FBN2: variants seen among roughly 807,000 people sequenced by gnomAD.
FBN2 encodes fibrillin 2, also known as fibrillin-2.
A neutral mutation model predicts 355.6 loss-of-function variants in FBN2; 105 were observed. The ratio of observed to expected loss-of-function variants is 0.30; its 90% CI spans 0.25 to 0.35. The LOEUF is 0.35. Ranked by LOEUF, FBN2 falls within the 10% of genes least tolerant of loss-of-function variation. The probability of loss-of-function intolerance (pLI) is 1.00; values close to 1 mark genes in which losing one functional copy is unlikely to be tolerated. For synonymous variants in FBN2, 1,350 were observed against 1,301.2 expected, an observed-to-expected ratio of 1.04 and a Z score of -0.81; for missense variants, 3,280 against 3,758.7, an observed-to-expected ratio of 0.87 and a Z score of 3.33.
intron 5 of FBN2, among the ~76,000 whole-genome samples, chr5:128,477,976 C>T (rs1755050140): frequency 1.3e-5 from 2 of 152,198 alleles, no homozygotes; most frequent in South Asian, 4.1e-4. Context: ...TTTGATATAA[C>T]CTCTAAATAG....
chr5:128,341,128 C>T (rs1398562360), intron 25 of FBN2, among the ~76,000 whole-genome samples: 4 of 152,178 alleles, frequency 2.6e-5, no homozygotes, highest in African/African-American at 9.7e-5. Context: ...TGAGAGCCAA[C>T]AATTTTCCAC....
intron 22 of FBN2, among the ~76,000 whole-genome samples, 182 bp downstream of exon 22, chr5:128,349,773 G>T (rs944176624): frequency 1.3e-5 from 2 of 152,260 alleles, no homozygotes; most frequent in South Asian, 4.1e-4. Flanking sequence ...GAGGAGAAAC[G>T]GGAAACTCTA....
At chr5:128,404,679 C>T (rs1752881839) in intron 8 of FBN2, among the ~76,000 whole-genome samples, 1 of 152,180 alleles carries the variant, frequency 6.6e-6, no homozygotes, top group East Asian at 1.9e-4. Flanking sequence ...TTACATAAAG[C>T]CCAGGGTCCA....
chr5:128,305,522 C>T lies in FBN2; in HGVS notation c.5663G>A (p.Gly1888Glu), dbSNP rs780852016. The T allele has an allele frequency of 1.2e-6, 2 of 1,614,002 alleles. No homozygotes were observed. The highest frequency in any genetic ancestry group is 1.7e-6 in the Non-Finnish European group (2 of 1,179,948). The change falls in exon 44 of 65, where the codon GGG (glycine) becomes GAG (glutamate). Residue 1888 changes from glycine (G) to glutamate (E), a missense_variant. By Grantham distance (98) the Gly-to-Glu change is moderately conservative (BLOSUM62 -2). This residue lies in a region of FBN2 where 2,284 missense variants were observed against 2,749.5 expected (regional missense o/e 0.83). Transcript: ENST00000262464. Reference protein sequence around the residue: ...CAAGFKLSPNGACVDRNECLE... With the variant: ...CAAGFKLSPNEACVDRNECLE... ...AGCCTCTTTCTTACCTACACAGGCC[C>T]CATTGGGTGAAAGTTTGAAACCCGC...
intron 5 of FBN2, among the ~76,000 whole-genome samples, chr5:128,480,978 C>A (rs572716672): frequency 3.9e-5 from 6 of 152,236 alleles, no homozygotes; most frequent in Admixed American, 3.9e-4. Flanking sequence ...CTGCAAGAAA[C>A]CACTTAAATG....
chr5:128,324,619 CTTTT>C (rs1166002656), intron 34 of FBN2, among the ~76,000 whole-genome samples: 1 of 137,714 alleles, frequency 7.3e-6, no homozygotes. Context: ...TTTTCTTTTT[CTTTT>C]TTTTTTTTTT....
chr5:128,446,456 T>C (rs202103734), intron 7 of FBN2, 25 bp downstream of exon 7: 3 of 1,612,564 alleles, frequency 1.9e-6, no homozygotes, highest in Non-Finnish European at 2.5e-6. Context: ...CAATTAGGCA[T>C]GCTTCCCAAA....
chr5:128,317,537 C>T (rs1750239302), intron 36 of FBN2, among the ~76,000 whole-genome samples: 1 of 152,156 alleles, frequency 6.6e-6, no homozygotes, highest in African/African-American at 2.4e-5. Flanking sequence ...ATTCTCCACC[C>T]CTCCCTTTTT....
intron 19 of FBN2, among the ~76,000 whole-genome samples, chr5:128,358,083 A>G (rs376424528): frequency 1.3e-5 from 2 of 152,312 alleles, no homozygotes; most frequent in South Asian, 4.1e-4. Context: ...ACCATAATCT[A>G]AACAATTCCT....
At chr5:128,482,656 T>C (rs548499755) in intron 5 of FBN2, among the ~76,000 whole-genome samples, 3 of 152,314 alleles carry the variant, frequency 2.0e-5, no homozygotes, top group African/African-American at 7.2e-5. Context: ...GATATATTAA[T>C]ATCAATTTAG....
In FBN2 at chr5:128,473,625, T is replaced by C. The variant is rs572886109; in HGVS notation, c.629-8704A>G. Among the ~76,000 whole-genome samples the C allele has an allele frequency of 2.0e-5, 3 of 152,306 alleles. No homozygotes were observed. The East Asian group carries it at 5.8e-4, about 29-fold the overall frequency. ...CCCAACACATGGGTTTTCTACATTCTCAGCTTTTGGTAACTTTGCCTTCAC... is the reference window on the plus strand; with the variant it reads ...CCCAACACATGGGTTTTCTACATTCCCAGCTTTTGGTAACTTTGCCTTCAC... On this transcript the variant is annotated intron_variant, in intron 5 of 64. Transcript: ENST00000262464.
chr5:128,528,075 T>C (rs1287387337), intron 3 of FBN2, 108 bp from the exon 4 acceptor site: 15 of 753,084 alleles, frequency 2.0e-5, no homozygotes, highest in Non-Finnish European at 3.6e-5. Flanking sequence ...ATGACAATTA[T>C]ATCTTACAGA....
chr5:128,502,043 TAAA>T (rs1357660288), intron 5 of FBN2, among the ~76,000 whole-genome samples: 2 of 151,818 alleles, frequency 1.3e-5, no homozygotes, highest in Non-Finnish European at 2.9e-5. Flanking sequence ...GATTATAAAG[TAAA>T]AACCCTTTGG....
chr5:128,381,342 G>C (rs184415420), intron 11 of FBN2, among the ~76,000 whole-genome samples: 1 of 152,062 alleles, frequency 6.6e-6, no homozygotes, highest in Non-Finnish European at 1.5e-5. Flanking sequence ...CTTTGTCACT[G>C]ATCCTTTAAT....
Position 128,259,396 on chromosome 5 carries a change from A to C in FBN2, c.*59T>G. The stretch of plus-strand genomic sequence containing the variant: ...CTTTAAAATTAGTCCTTGACTTTTC[A>C]AATGCTTCTGCAGACTGGCTGTGCT... On this transcript the variant is annotated 3_prime_UTR_variant, in exon 65 of 65. Transcript: ENST00000262464. The C allele has an allele frequency of 6.3e-7, 1 of 1,599,874 alleles. No individual in the cohort carries two copies. The highest frequency in any genetic ancestry group is 1.3e-5 in the African/African-American group (1 of 74,678).
intron 34 of FBN2, among the ~76,000 whole-genome samples, chr5:128,327,530 T>C (rs1750584803): frequency 6.6e-6 from 1 of 152,100 alleles, no homozygotes; most frequent in African/African-American, 2.4e-5. Context: ...GGGGGAAGTT[T>C]TTAATATGTT....
At chr5:128,309,166 G>T in intron 41 of FBN2, 81 bp downstream of exon 41, 1 of 1,447,380 alleles carries the variant, frequency 6.9e-7, no homozygotes, top group Non-Finnish European at 9.7e-7. Flanking sequence ...GTTTTAGCAT[G>T]CAGTGACTTT....
At chr5:128,289,104 T>C (rs1218658050) in intron 52 of FBN2, 23 bp downstream of exon 52, 3 of 1,613,310 alleles carry the variant, frequency 1.9e-6, no homozygotes, top group Non-Finnish European at 2.5e-6. Flanking sequence ...TTTAAAATTC[T>C]GTAATGTGGA....
chr5:128,345,608 G>C, intron 23 of FBN2, 24 bp from the exon 24 acceptor site: 2 of 1,588,518 alleles, frequency 1.3e-6, no homozygotes, highest in Non-Finnish European at 1.7e-6. Context: ...GAAATCACAG[G>C]GTGAGAATGA....
Sources: allele counts gnomAD v4.1 joint callset (sites outside exome capture counted in the v4.1 genomes callset), GRCh38; gene constraint gnomAD v4.1.1; regional missense constraint gnomAD v4.1.1; transcripts MANE v1.5; gene names NCBI Gene and HGNC (gene_info 2026-07-23, HGNC 2026-07-21).